SLC22A23: variants seen among roughly 807,000 people sequenced by gnomAD.
SLC22A23 encodes ion transporter protein.
SLC22A23 carries 26 observed loss-of-function variants against 61.0 expected under a neutral mutation model. That is an observed-to-expected ratio of 0.43 (90% confidence interval 0.31 to 0.59). The LOEUF is 0.59. Ranked by LOEUF, SLC22A23 falls within the 20% of genes least tolerant of loss-of-function variation. The pLI is 0.11. For synonymous variants in SLC22A23, 430 were observed against 413.9 expected, an observed-to-expected ratio of 1.04 and a Z score of -0.47; for missense variants, 796 against 934.7, an observed-to-expected ratio of 0.85 and a Z score of 1.94.
At chr6:3,282,168 T>C in intron 9 of SLC22A23, 1 of 701,988 alleles carries the variant, frequency 1.4e-6, no homozygotes, top group South Asian at 1.5e-5. Flanking sequence ...TGGATTCTGG[T>C]CTATTGAAAG....
At position 3,423,590 on chromosome 6, in the gene SLC22A23, A is replaced by G. The variant is rs1167120890; in HGVS notation, c.655-7735T>C. On this transcript the variant is annotated intron_variant, in intron 1 of 9. Coordinates refer to ENST00000406686, the MANE Select transcript of SLC22A23 (RefSeq NM_015482.2). ...CCTGTAAGTTAAAAAGGAAGGAGGG[A>G]GTGGGGAGGAATGCAGGGAGGGAGG... is the stretch of plus-strand genomic sequence containing the variant. Among the ~76,000 whole-genome samples the G allele has an allele frequency of 2.0e-5, 3 of 152,118 alleles. No homozygotes were observed. The East Asian group carries it at 5.8e-4, about 29-fold the overall frequency.
rs1765360306 is a variant in SLC22A23 at position 3,360,371 on chromosome 6, C to T, written c.914-36369G>A. ...TGAGAGCTCTGACCTCAGCTGTGCCCCGCCCACCCATCCACCCAAGGATCC... is the reference window on the plus strand; with the variant it reads ...TGAGAGCTCTGACCTCAGCTGTGCCTCGCCCACCCATCCACCCAAGGATCC... On this transcript the variant is annotated intron_variant, in intron 3 of 9. Coordinates refer to ENST00000406686, the MANE Select transcript of SLC22A23 (RefSeq NM_015482.2). This position sits in a 1 kb window ranked among gnomAD's most constrained non-coding sequence, Gnocchi z 4.6. Among the ~76,000 whole-genome samples the T allele has an allele frequency of 6.6e-6, 1 of 152,156 alleles. No individual in the cohort carries two copies. The highest frequency in any genetic ancestry group is 2.1e-4 in the South Asian group (1 of 4,824).
intron 2 of SLC22A23, among the ~76,000 whole-genome samples, chr6:3,412,006 T>C (rs4959825): frequency 0.66 from 101,125 of 152,070 alleles, 34,119 homozygotes; most frequent in South Asian, 0.77. Flanking sequence ...CCCTTGACTT[T>C]CCTGGTCTGT....
chr6:3,293,211 G>A (rs891514358), intron 5 of SLC22A23, among the ~76,000 whole-genome samples: 5 of 152,102 alleles, frequency 3.3e-5, no homozygotes, highest in African/African-American at 9.7e-5. Context: ...TTATAGAGAC[G>A]GAAAGCAAGA....
chr6:3,318,277 GAGTAAA>G lies in SLC22A23; in HGVS notation c.1082+5551_1082+5556del, dbSNP rs998252373. On this transcript the variant is annotated intron_variant, in intron 4 of 9. Coordinates refer to ENST00000406686, the MANE Select transcript of SLC22A23 (RefSeq NM_015482.2). The surrounding 1 kb of genome is among the most constrained non-coding windows in gnomAD (Gnocchi z 4.3). ...CCCAGGGTTCGCTAATTCCTAGACA[GAGTAAA>G]AGATTCACCTGCAAGTGTACTTTTC... 4.6e-5 allele frequency among the ~76,000 whole-genome samples: 7 copies of G among 152,130 alleles called. No homozygotes were observed. Among genetic ancestry groups the G allele is most frequent in the African/African-American group, 1.7e-4 (7 of 41,400 alleles).
intron 6 of SLC22A23, among the ~76,000 whole-genome samples, chr6:3,288,826 G>C (rs975721378): frequency 2.6e-4 from 40 of 152,226 alleles, no homozygotes; most frequent in Admixed American, 5.9e-4. Flanking sequence ...CCCTGGCCTT[G>C]GTCTCTCTCC....
chr6:3,284,044 G>A lies in SLC22A23; in HGVS notation c.1580-69C>T, dbSNP rs574652506. On this transcript the variant is annotated intron_variant, in intron 8 of 9. Transcript: ENST00000406686. ...CAGGCCAGGGTGGGAGGGAGGCCTG[G>A]GGCTGCACAGCACAGCTCCTTCCCA... 4 of 1,489,892 alleles carry A rather than the reference G, an allele frequency of 2.7e-6. No homozygotes were observed. The African/African-American group carries it at 5.5e-5, about 21-fold the overall frequency. 92.3% of individuals were successfully genotyped at this position (1,489,892 alleles called of 1,614,324 possible). A position where few individuals can be genotyped will look rare whatever the true frequency, so the allele number is the denominator to read the frequency against.
chr6:3,277,289 C>G (rs1327107732), intron 9 of SLC22A23, among the ~76,000 whole-genome samples: 1 of 151,966 alleles, frequency 6.6e-6, no homozygotes, highest in East Asian at 1.9e-4. Flanking sequence ...CCCTTCTCCT[C>G]CACCCTGGCC....
chr6:3,309,737 G>A lies in SLC22A23; in HGVS notation c.1083-11519C>T, dbSNP rs1762240966. Among the ~76,000 whole-genome samples the A allele has an allele frequency of 6.6e-6, 1 of 152,212 alleles. No individual in the cohort carries two copies. The highest frequency in any genetic ancestry group is 2.4e-5 in the African/African-American group (1 of 41,460). ...ACACCACGGTCACACAGAAGTACCT[G>A]CTGCCACAGGGATGGCTCTCCAATC... On this transcript the variant is annotated intron_variant, in intron 4 of 9. Coordinates refer to ENST00000406686, the MANE Select transcript of SLC22A23 (RefSeq NM_015482.2). The surrounding 1 kb of genome is among the most constrained non-coding windows in gnomAD (Gnocchi z 4.7).
intron 4 of SLC22A23, among the ~76,000 whole-genome samples, chr6:3,314,739 T>G (rs898422252): frequency 6.6e-6 from 1 of 152,122 alleles, no homozygotes; most frequent in Non-Finnish European, 1.5e-5. Flanking sequence ...TTAAAAAAAA[T>G]AAAACTCCTT....
chr6:3,362,827 C>T (rs986762952), intron 3 of SLC22A23, among the ~76,000 whole-genome samples: 1 of 145,580 alleles, frequency 6.9e-6, no homozygotes, highest in Non-Finnish European at 1.5e-5. Flanking sequence ...TAAGGACCAT[C>T]GAATAAAGAT....
rs537888921 is a variant in SLC22A23, at chr6:3,330,075, G to A, written c.914-6073C>T. ...GACACCGGGGCTTGGGGATCCCACC[G>A]CCCTGCCCAGCCCCAGAACACACAG... On this transcript the variant is annotated intron_variant, in intron 3 of 9. Transcript: ENST00000406686. This position sits in a 1 kb window ranked among gnomAD's most constrained non-coding sequence, Gnocchi z 4.7. Among the ~76,000 whole-genome samples, 230 of 152,210 alleles carry A rather than the reference G, an allele frequency of 1.5e-3. No homozygotes were observed. Among genetic ancestry groups the A allele is most frequent in the Middle Eastern group, 3.4e-3 (1 of 294 alleles).
intron 7 of SLC22A23, among the ~76,000 whole-genome samples, chr6:3,285,377 C>T (rs1283838076): frequency 6.6e-6 from 1 of 152,230 alleles, no homozygotes; most frequent in Non-Finnish European, 1.5e-5. Context: ...CACAGTGAGA[C>T]CCCAGCAGGT....
chr6:3,328,333 C>T lies in SLC22A23; in HGVS notation c.914-4331G>A, dbSNP rs1285349129. ...TAGAAAAGTGGCATTGTTAGGAGGC[C>T]ACAGCTCTGGGAGATACGCTTTTCG... On this transcript the variant is annotated intron_variant, in intron 3 of 9. Transcript: ENST00000406686. The surrounding 1 kb of genome is among the most constrained non-coding windows in gnomAD (Gnocchi z 5.0). 1.3e-5 allele frequency among the ~76,000 whole-genome samples: 2 copies of T among 152,052 alleles called. No homozygotes were observed. The highest frequency in any genetic ancestry group is 6.6e-5 in the Admixed American group (1 of 15,256).
At chr6:3,446,457 T>G (rs1213982633) in intron 1 of SLC22A23, among the ~76,000 whole-genome samples, 1 of 152,230 alleles carries the variant, frequency 6.6e-6, no homozygotes, top group Non-Finnish European at 1.5e-5. Context: ...GCCCCATGGT[T>G]TCACATATCT....
intron 3 of SLC22A23, among the ~76,000 whole-genome samples, chr6:3,356,253 G>T (rs1429213009): frequency 6.6e-6 from 1 of 151,210 alleles, no homozygotes; most frequent in Non-Finnish European, 1.5e-5. Context: ...CTGCGTGCCA[G>T]CCCTTGGGAT....
At chr6:3,437,582 G>A (rs556266253) in intron 1 of SLC22A23, among the ~76,000 whole-genome samples, 4 of 151,626 alleles carry the variant, frequency 2.6e-5, no homozygotes, top group South Asian at 2.1e-4. Flanking sequence ...CCAGGTACTC[G>A]GGAGGCTGAG....
rs1758537882 is a variant in SLC22A23 at position 3,272,479 on chromosome 6, CAGA to C, written c.*573_*575del. 1 of 152,712 alleles carries C rather than the reference CAGA, an allele frequency of 6.5e-6. No homozygotes were observed. The highest frequency in any genetic ancestry group is 2.4e-5 in the African/African-American group (1 of 41,450). The allele number at this position is 152,712 out of a possible 1,614,324, so 9.5% of individuals were successfully genotyped here. On this transcript the variant is annotated 3_prime_UTR_variant, in exon 10 of 10. Coordinates refer to ENST00000406686, the MANE Select transcript of SLC22A23 (RefSeq NM_015482.2). Reference sequence around the variant, plus strand: ...GTGAGCTGCTTTCCCTGCACACGAACAGAAGCTCTTACCTTACAAACAGAAAGG... The same window carrying C: ...GTGAGCTGCTTTCCCTGCACACGAACAGCTCTTACCTTACAAACAGAAAGG...
rs1355688231 is a variant in SLC22A23 at position 3,308,048 on chromosome 6, G to C, written c.1083-9830C>G. 6.6e-6 allele frequency among the ~76,000 whole-genome samples: 1 copy of C among 152,140 alleles called. No homozygotes were observed. Among genetic ancestry groups the C allele is most frequent in the Non-Finnish European group, 1.5e-5 (1 of 68,020 alleles). ...GAGTCAAATTCATAGCAAGTAGAGT[G>C]GGGGCTGCCAGGACCTGGGATAGAG... On this transcript the variant is annotated intron_variant, in intron 4 of 9. Coordinates refer to ENST00000406686, the MANE Select transcript of SLC22A23 (RefSeq NM_015482.2). This position sits in a 1 kb window ranked among gnomAD's most constrained non-coding sequence, Gnocchi z 5.1.
Sources: gnomAD v4.1 joint callset for allele counts (sites outside exome capture counted in the v4.1 genomes callset) on GRCh38, gnomAD v4.1.1 for gene constraint, Gnocchi (gnomAD v3.1) non-coding constraint, MANE v1.5 for transcripts, NCBI Gene and HGNC (gene_info 2026-07-23, HGNC 2026-07-21) for gene names.